TLX1: variants seen among roughly 807,000 people sequenced by gnomAD.
The protein encoded by TLX1 is T cell leukemia homeobox 1.
Under a neutral mutation model 26.5 loss-of-function variants are expected in TLX1, and 6 were observed. That is an observed-to-expected ratio of 0.23 (90% CI 0.12 to 0.45). The LOEUF is 0.45. TLX1 is among the 20% of genes least tolerant of loss of function. The pLI, the probability that TLX1 is intolerant of heterozygous loss-of-function variation, is 0.99. For synonymous variants in TLX1, 217 were observed against 219.7 expected (o/e 0.99, Z 0.11); for missense variants, 418 against 482.6 (o/e 0.87, Z 1.25).
In TLX1 at chr10:101,131,563, C is replaced by T. The variant is rs142285605; in HGVS notation, c.22C>T (p.His8Tyr). 65 of 1,527,812 alleles carry T rather than the reference C, an allele frequency of 4.3e-5. No individual in the cohort carries two copies. The highest frequency in any genetic ancestry group is 5.5e-5 in the Non-Finnish European group (63 of 1,144,110). The allele number at this position is 1,527,812 out of a possible 1,614,324, so 94.6% of individuals were successfully genotyped here. The change falls in exon 1 of 3, where the codon CAC (histidine) becomes TAC (tyrosine). Residue 8 changes from histidine (H) to tyrosine (Y), a missense_variant. This residue lies in a region of TLX1 where 322 missense variants were observed against 344.6 expected (regional missense o/e 0.93). Coordinates refer to ENST00000370196, the MANE Select transcript of TLX1 (RefSeq NM_005521.4). Reference protein sequence around the residue: MEHLGPHHLHPGHAEPIS... With the variant: MEHLGPHYLHPGHAEPIS... ...CAGCATGGAGCACCTGGGTCCGCAC[C>T]ACCTCCACCCGGGTCACGCAGAGCC...
At position 101,132,051 on chromosome 10, in the gene TLX1, T is replaced by G; in HGVS notation, c.510T>G (p.Thr170=). Residue 170 remains threonine (T), a synonymous_variant, in exon 1 of 3, where the codon ACT becomes ACG. Transcript: ENST00000370196. This position sits in a 1 kb window ranked among gnomAD's most constrained non-coding sequence, Gnocchi z 4.1. ...VPAMPGVNNL[T]GLTFPWMESN... ...CCATGCCGGGCGTCAACAACCTCAC[T>G]GGCCTCACCTTCCCCTGGATGGAGA... 1.3e-6 allele frequency: 2 copies of G among 1,497,608 alleles called. No homozygotes were observed. Among genetic ancestry groups the G allele is most frequent in the East Asian group, 2.7e-5 (1 of 37,102 alleles). 92.8% of individuals were successfully genotyped at this position (1,497,608 alleles called of 1,614,324 possible).
intron 2 of TLX1, 167 bp from the exon 3 acceptor site, chr10:101,136,524 A>T: frequency 9.5e-7 from 1 of 1,052,050 alleles, no homozygotes; most frequent in Non-Finnish European, 1.4e-6. Flanking sequence ...TGTTGGAGTC[A>T]GGACTCTCAA....
Position 101,131,614 on chromosome 10 carries a change from C to G in TLX1, c.73C>G (p.Leu25Val), listed in dbSNP as rs756193245. Residue 25 changes from leucine to valine, a missense_variant, in exon 1 of 3, where the codon CTC (leucine) becomes GTC (valine). Coordinates refer to ENST00000370196, the MANE Select transcript of TLX1 (RefSeq NM_005521.4). ...CATTAGCTTCGGCATCGACCAGATC[C>G]TCAACAGCCCGGACCAGGGTGGCTG... ...EPISFGIDQI[L>V]NSPDQGGCMG... 3 of 1,567,372 alleles carry G rather than the reference C, an allele frequency of 1.9e-6. No homozygotes were observed. The highest frequency in any genetic ancestry group is 2.6e-6 in the Non-Finnish European group (3 of 1,159,912).
At position 101,137,164 on chromosome 10, in the gene TLX1, T is replaced by C; in HGVS notation, c.*251T>C. ...CTGTCTGAACTGTTAAGAAATCTGT[T>C]TTTGTTTATTTCATTTTATTTTAAT... is the stretch of plus-strand genomic sequence containing the variant. On this transcript the variant is annotated 3_prime_UTR_variant, in exon 3 of 3. Coordinates refer to ENST00000370196, the MANE Select transcript of TLX1 (RefSeq NM_005521.4). 2.0e-6 allele frequency: 1 copy of C among 511,536 alleles called. No individual in the cohort carries two copies. Among genetic ancestry groups the C allele is most frequent in the South Asian group, 3.4e-5 (1 of 29,508 alleles). 31.7% of individuals were successfully genotyped at this position (511,536 alleles called of 1,614,324 possible). A position where few individuals can be genotyped will look rare whatever the true frequency, so the allele number is the denominator to read the frequency against.
chr10:101,132,152 C>T lies in TLX1; in HGVS notation c.568+43C>T, dbSNP rs764300795. The T allele has an allele frequency of 4.8e-5, 64 of 1,320,174 alleles. No homozygotes were observed. Among genetic ancestry groups the T allele is most frequent in the Non-Finnish European group, 5.5e-5 (57 of 1,037,170 alleles). 81.8% of individuals were successfully genotyped at this position (1,320,174 alleles called of 1,614,324 possible). A position where few individuals can be genotyped will look rare whatever the true frequency, so the allele number is the denominator to read the frequency against. ...GCTCCCCGCCTGGCCGCGGCCCGGGCTCCGTGCTACCCCTGCCCCGCCGGG... is the reference window on the plus strand; with the variant it reads ...GCTCCCCGCCTGGCCGCGGCCCGGGTTCCGTGCTACCCCTGCCCCGCCGGG... On this transcript the variant is annotated intron_variant, in intron 1 of 2. Coordinates refer to ENST00000370196, the MANE Select transcript of TLX1 (RefSeq NM_005521.4). The surrounding 1 kb of genome is among the most constrained non-coding windows in gnomAD (Gnocchi z 4.1).
chr10:101,137,073 T>G lies in TLX1; in HGVS notation c.*160T>G. On this transcript the variant is annotated 3_prime_UTR_variant, in exon 3 of 3. Coordinates refer to ENST00000370196, the MANE Select transcript of TLX1 (RefSeq NM_005521.4). ...GGCCCCCACATTTGTGCCGACACTG[T>G]TCTCCCTTCGGTGGAAGAGCTCAAG... The G allele has an allele frequency of 1.0e-6, 1 of 960,798 alleles. No individual in the cohort carries two copies. Among genetic ancestry groups the G allele is most frequent in the Non-Finnish European group, 1.5e-6 (1 of 664,170 alleles). The allele number at this position is 960,798 out of a possible 1,614,324, so 59.5% of individuals were successfully genotyped here.
Position 101,131,417 on chromosome 10 carries a change from G to T in TLX1, c.-125G>T, listed in dbSNP as rs925782818. The T allele has an allele frequency of 5.3e-5, 34 of 643,260 alleles. No individual in the cohort carries two copies. In the African/African-American group the frequency reaches 6.5e-4, roughly 12 times the overall value. The allele number at this position is 643,260 out of a possible 1,614,324, so 39.8% of individuals were successfully genotyped here. On this transcript the variant is annotated 5_prime_UTR_variant, in exon 1 of 3. Transcript: ENST00000370196. ...CCCCCTTCTACTTTAGCCTTTCTGCGCACTTCGCTTCCAAGTCTCCGCGCA... is the reference window on the plus strand; with the variant it reads ...CCCCCTTCTACTTTAGCCTTTCTGCTCACTTCGCTTCCAAGTCTCCGCGCA...
chr10:101,131,768 C>T lies in TLX1; in HGVS notation c.227C>T (p.Thr76Ile), dbSNP rs984454722. The T allele has an allele frequency of 2.9e-6, 4 of 1,395,908 alleles. No individual in the cohort carries two copies. Among genetic ancestry groups the T allele is most frequent in the African/African-American group, 1.5e-5 (1 of 65,520 alleles). The allele number at this position is 1,395,908 out of a possible 1,614,324, so 86.5% of individuals were successfully genotyped here. A position where few individuals can be genotyped will look rare whatever the true frequency, so the allele number is the denominator to read the frequency against. The change falls in exon 1 of 3, where the codon ACT becomes ATT. Residue 76 changes from threonine to isoleucine, a missense_variant. Physicochemically the swap from Thr to Ile is moderately conservative, Grantham distance 89. Around this residue, in one of 3 missense-constraint regions of TLX1, gnomAD observed 322 missense variants for 344.6 expected, o/e 0.93. Transcript: ENST00000370196. ...GCTGGAGGAGCGGGGGCCTATGGTA[C>T]TGGAGGTCCCGGCGGCCCCGGAGGC... ...TGAGGAGAYG[T>I]GGPGGPGGPA...
intron 2 of TLX1, chr10:101,135,303 G>C (rs1199102464): frequency 6.5e-6 from 1 of 153,650 alleles, no homozygotes; most frequent in African/African-American, 2.4e-5. Context: ...GAGACGGGCG[G>C]GCCTTGGGGC....
At position 101,132,168 on chromosome 10, in the gene TLX1, C is replaced by A; in HGVS notation, c.568+59C>A. ...CGGCCCGGGCTCCGTGCTACCCCTGCCCCGCCGGGTGGCTCCCCAAAGCCG... is the reference window on the plus strand; with the variant it reads ...CGGCCCGGGCTCCGTGCTACCCCTGACCCGCCGGGTGGCTCCCCAAAGCCG... On this transcript the variant is annotated intron_variant, in intron 1 of 2. Transcript: ENST00000370196. The surrounding 1 kb of genome is among the most constrained non-coding windows in gnomAD (Gnocchi z 4.1). 7.8e-7 allele frequency: 1 copy of A among 1,281,380 alleles called. No homozygotes were observed. Among genetic ancestry groups the A allele is most frequent in the Non-Finnish European group, 9.9e-7 (1 of 1,012,676 alleles). 79.4% of individuals were successfully genotyped at this position (1,281,380 alleles called of 1,614,324 possible). A position where few individuals can be genotyped will look rare whatever the true frequency, so the allele number is the denominator to read the frequency against.
At chr10:101,134,053 G>A in intron 1 of TLX1, 122 bp from the exon 2 acceptor site, 1 of 907,196 alleles carries the variant, frequency 1.1e-6, no homozygotes, top group South Asian at 1.7e-5. Flanking sequence ...CAGCTGCTGC[G>A]CTCGCTGACT....
Position 101,137,044 on chromosome 10 carries a change from G to A in TLX1, c.*131G>A, listed in dbSNP as rs2235128. The A allele has an allele frequency of 0.16, 188,466 of 1,205,256 alleles. 15,864 individuals are homozygous for A. Among genetic ancestry groups the A allele is most frequent in the South Asian group, 0.29 (19,091 of 65,000 alleles). 74.7% of individuals were successfully genotyped at this position (1,205,256 alleles called of 1,614,324 possible). A position where few individuals can be genotyped will look rare whatever the true frequency, so the allele number is the denominator to read the frequency against. On this transcript the variant is annotated 3_prime_UTR_variant, in exon 3 of 3. Transcript: ENST00000370196. ...GGGAACACTGCCCTCGCACGGCCCC[G>A]AAGGGCCCCCACATTTGTGCCGACA...
chr10:101,136,255 C>A (rs932314246), intron 2 of TLX1, among the ~76,000 whole-genome samples: 5 of 152,216 alleles, frequency 3.3e-5, no homozygotes, highest in African/African-American at 1.2e-4. Flanking sequence ...CAGAGCAGAT[C>A]GTACCCGCTG....
At chr10:101,133,844 T>TGACCATTA (rs1362373516) in intron 1 of TLX1, among the ~76,000 whole-genome samples, 1 of 152,090 alleles carries the variant, frequency 6.6e-6, no homozygotes, top group Admixed American at 6.5e-5. Flanking sequence ...GAGGGGAGCG[T>TGACCATTA]GACCATTAGC....
Position 101,132,117 on chromosome 10 carries a change from C to T in TLX1, c.568+8C>T, listed in dbSNP as rs771910285. 2 of 1,354,040 alleles carry T rather than the reference C, an allele frequency of 1.5e-6. No homozygotes were observed. Among genetic ancestry groups the T allele is most frequent in the Admixed American group, 2.9e-5 (1 of 34,094 alleles). 83.9% of individuals were successfully genotyped at this position (1,354,040 alleles called of 1,614,324 possible). A position where few individuals can be genotyped will look rare whatever the true frequency, so the allele number is the denominator to read the frequency against. On this transcript the variant is annotated splice_region_variant and intron_variant, in intron 1 of 2. Transcript: ENST00000370196. The surrounding 1 kb of genome is among the most constrained non-coding windows in gnomAD (Gnocchi z 4.1). ...CAAAGGACAGGTTCACAGGTGAGTC[C>T]GGCCCGCGCGCTCCCCGCCTGGCCG...
At position 101,136,872 on chromosome 10, in the gene TLX1, A is replaced by G. The variant is rs1489695099; in HGVS notation, c.952A>G (p.Lys318Glu). 2 of 1,613,740 alleles carry G rather than the reference A, an allele frequency of 1.2e-6. No homozygotes were observed. Among genetic ancestry groups the G allele is most frequent in the Non-Finnish European group, 1.7e-6 (2 of 1,180,022 alleles). The change falls in exon 3 of 3, where the codon AAA becomes GAA. Residue 318 changes from lysine to glutamate, a missense_variant. Transcript: ENST00000370196. ...NLQPWSDDST[K>E]ITSVTSVASA... ...GCAGCCGTGGTCTGACGACTCGACCAAAATCACTAGCGTCACGTCGGTGGC... is the reference window on the plus strand; with the variant it reads ...GCAGCCGTGGTCTGACGACTCGACCGAAATCACTAGCGTCACGTCGGTGGC...
intron 1 of TLX1, among the ~76,000 whole-genome samples, chr10:101,133,547 C>T (rs1940224633): frequency 6.6e-6 from 1 of 152,226 alleles, no homozygotes; most frequent in South Asian, 2.1e-4. Context: ...AATCCTGGGC[C>T]TCTGGTGAAA....
chr10:101,131,790 A>C lies in TLX1; in HGVS notation c.249A>C (p.Gly83=). 1 of 1,386,070 alleles carries C rather than the reference A, an allele frequency of 7.2e-7. No homozygotes were observed. Among genetic ancestry groups the C allele is most frequent in the Non-Finnish European group, 9.3e-7 (1 of 1,076,254 alleles). The allele number at this position is 1,386,070 out of a possible 1,614,324, so 85.9% of individuals were successfully genotyped here. Residue 83 remains glycine, a synonymous_variant, in exon 1 of 3, where the codon GGA becomes GGC. Transcript: ENST00000370196. ...AYGTGGPGGP[G]GPAGGGGACS... is the part of the protein sequence containing the mutation. Reference sequence around the variant, plus strand: ...GTACTGGAGGTCCCGGCGGCCCCGGAGGCCCGGCAGGCGGCGGCGGCGCCT... The same window carrying C: ...GTACTGGAGGTCCCGGCGGCCCCGGCGGCCCGGCAGGCGGCGGCGGCGCCT...
chr10:101,134,873 C>T (rs1050662415), intron 2 of TLX1, among the ~76,000 whole-genome samples: 4 of 152,240 alleles, frequency 2.6e-5, no homozygotes, highest in Admixed American at 2.0e-4. Flanking sequence ...GTCTCCTCCC[C>T]CAGACACCCG....
Sources: allele counts gnomAD v4.1 joint callset (sites outside exome capture counted in the v4.1 genomes callset), GRCh38; gene constraint gnomAD v4.1.1; regional missense constraint gnomAD v4.1.1; non-coding constraint Gnocchi (gnomAD v3.1); transcripts MANE v1.5; gene names NCBI Gene and HGNC (gene_info 2026-07-23, HGNC 2026-07-21).